ZNF345: variants seen among roughly 807,000 people sequenced by gnomAD.
The protein encoded by ZNF345 is zinc finger protein HZF10.
For synonymous variants in ZNF345, 166 were observed against 187.9 expected, an observed-to-expected ratio of 0.88 and a Z score of 0.95; for missense variants, 527 against 589.9, an observed-to-expected ratio of 0.89 and a Z score of 1.10.
At position 36,852,379 on chromosome 19, in the gene ZNF345, A is replaced by G. The variant is rs577853980; in HGVS notation, c.-47+475A>G. On this transcript the variant is annotated intron_variant, in intron 2 of 2. Coordinates refer to ENST00000420450, the MANE Select transcript of ZNF345 (RefSeq NM_001242472.2). ...TGTAATCCCAGCACTTTGGGGGGCC[A>G]AGGCGGGCGGATCACGAGGTCAAGA... Among the ~76,000 whole-genome samples the G allele has an allele frequency of 1.5e-4, 23 of 152,068 alleles. No homozygotes were observed. The South Asian group carries it at 4.6e-3, about 30-fold the overall frequency.
intron 2 of ZNF345, among the ~76,000 whole-genome samples, chr19:36,852,967 A>C (rs1316015955): frequency 1.3e-5 from 2 of 150,802 alleles, no homozygotes; most frequent in African/African-American, 4.9e-5. Context: ...ATATTTGACC[A>C]ATTTTTAATT....
At chr19:36,872,606 G>A (rs2072793113) in intron 2 of ZNF345, 1 of 152,920 alleles carries the variant, frequency 6.5e-6, no homozygotes, top group Non-Finnish European at 1.5e-5. Flanking sequence ...AGAAGAAGCT[G>A]TTGGTGCCAT....
At chr19:36,886,136 CTA>C (rs2146215440) in intron 3 of ZNF345, among the ~76,000 whole-genome samples, 1 of 152,274 alleles carries the variant, frequency 6.6e-6, no homozygotes, top group African/African-American at 2.4e-5. Flanking sequence ...ACTGATATGA[CTA>C]TATTATCAGA....
intron 2 of ZNF345, among the ~76,000 whole-genome samples, chr19:36,863,576 A>AATTCAAC (rs1211250291): frequency 4.6e-5 from 7 of 152,220 alleles, no homozygotes; most frequent in Non-Finnish European, 1.0e-4. Flanking sequence ...CAAGACTGTG[A>AATTCAAC]ATTCAACATT....
chr19:36,891,396 G>T, intron 3 of ZNF345: 1 of 1,277,222 alleles, frequency 7.8e-7, no homozygotes, highest in Non-Finnish European at 1.1e-6. Context: ...GAATACATAG[G>T]AGAACCTTTG....
chr19:36,887,170 AAAC>A (rs1195751109), intron 3 of ZNF345, among the ~76,000 whole-genome samples: 3 of 149,472 alleles, frequency 2.0e-5, no homozygotes, highest in African/African-American at 7.6e-5. Context: ...CCATCTCAAA[AAAC>A]ACCACCACCA....
In ZNF345 at chr19:36,877,070, T is replaced by G. The variant is rs1369331763; in HGVS notation, c.240T>G (p.His80Gln). 1 of 1,614,194 alleles carries G rather than the reference T, an allele frequency of 6.2e-7. No homozygotes were observed. Among genetic ancestry groups the G allele is most frequent in the African/African-American group, 1.3e-5 (1 of 75,064 alleles). ...GTTTTGTATCAGTCCTTGTTCGACATCAGCGAATTCATACTGGTGAGAAAC... is the reference window on the plus strand; with the variant it reads ...GTTTTGTATCAGTCCTTGTTCGACAGCAGCGAATTCATACTGGTGAGAAAC... ...DFSFVSVLVR[H>Q]QRIHTGEKPY... is the part of the protein sequence containing the mutation. The change falls in exon 3 of 3, where the codon CAT becomes CAG. Residue 80 changes from histidine (H) to glutamine (Q), a missense_variant. Coordinates refer to ENST00000420450, the MANE Select transcript of ZNF345 (RefSeq NM_001242472.2).
At chr19:36,880,989 C>A (rs2072964597), downstream of ZNF345, among the ~76,000 whole-genome samples, 1 of 151,834 alleles carries the variant, frequency 6.6e-6, no homozygotes, top group Admixed American at 6.6e-5. Flanking sequence ...ATAACTACAA[C>A]AAAAACCCTA....
At position 36,870,317 on chromosome 19, in the gene ZNF345, G is replaced by A. The variant is rs183908358; in HGVS notation, c.-46-6468G>A. 2.2e-4 allele frequency among the ~76,000 whole-genome samples: 33 copies of A among 152,116 alleles called. No homozygotes were observed. In the East Asian group the frequency reaches 6.4e-3, roughly 29 times the overall value. ...CACTAATTTATATTCAAAATCTACT[G>A]GAAAATAAATCTTTTTCCAGTATGT... On this transcript the variant is annotated intron_variant, in intron 2 of 2. Coordinates refer to ENST00000420450, the MANE Select transcript of ZNF345 (RefSeq NM_001242472.2).
rs2072894521 is a variant in ZNF345 at position 36,877,025 on chromosome 19, G to A, written c.195G>A (p.Lys65=). ...CTGATGAGAAACTCCTTGAATGTAA[G>A]GAATGTGGGAAGGATTTTAGTTTTG... ...IHTDEKLLEC[K]ECGKDFSFVS... Residue 65 remains lysine (K), a synonymous_variant, in exon 3 of 3, where the codon AAG becomes AAA. Coordinates refer to ENST00000420450, the MANE Select transcript of ZNF345 (RefSeq NM_001242472.2). 6.2e-7 allele frequency: 1 copy of A among 1,614,126 alleles called. No individual in the cohort carries two copies. The highest frequency in any genetic ancestry group is 8.5e-7 in the Non-Finnish European group (1 of 1,179,998).
chr19:36,883,114 T>C (rs1311298075), downstream of ZNF345, among the ~76,000 whole-genome samples: 1 of 152,232 alleles, frequency 6.6e-6, no homozygotes, highest in Non-Finnish European at 1.5e-5. Context: ...TATATATCCT[T>C]ATAAACACCA....
chr19:36,882,334 C>T (rs528166948), downstream of ZNF345, among the ~76,000 whole-genome samples: 247 of 152,080 alleles, frequency 1.6e-3, no homozygotes, highest in African/African-American at 5.3e-3. Flanking sequence ...GTGGCGTGAT[C>T]TCGGCTCACT....
At chr19:36,880,189 G>A (rs2072960217), downstream of ZNF345, among the ~76,000 whole-genome samples, 6 of 151,572 alleles carry the variant, frequency 4.0e-5, no homozygotes, top group South Asian at 6.3e-4. Flanking sequence ...GCATGGTGGC[G>A]TGTGCCTGTA....
downstream of ZNF345, among the ~76,000 whole-genome samples, chr19:36,881,802 T>C (rs576829824): frequency 6.8e-4 from 103 of 152,304 alleles, no homozygotes; most frequent in Non-Finnish European, 1.1e-3. Flanking sequence ...GTTGGAGATA[T>C]ATATTGAAAC....
Position 36,864,979 on chromosome 19 carries a change from A to G in ZNF345, c.-46-11806A>G, listed in dbSNP as rs533939017. Among the ~76,000 whole-genome samples the G allele has an allele frequency of 7.2e-5, 11 of 152,252 alleles. No individual in the cohort carries two copies. The South Asian group carries it at 2.3e-3, about 32-fold the overall frequency. Reference sequence around the variant, plus strand: ...CAGACTGGGTTGTCTTACCAGAAGCATTTGCTACAAAACTTTCAGACAAGG... The same window carrying G: ...CAGACTGGGTTGTCTTACCAGAAGCGTTTGCTACAAAACTTTCAGACAAGG... On this transcript the variant is annotated intron_variant, in intron 2 of 2. Transcript: ENST00000420450.
chr19:36,856,797 C>A (rs1403897403), intron 2 of ZNF345, among the ~76,000 whole-genome samples: 3 of 151,372 alleles, frequency 2.0e-5, no homozygotes, highest in Non-Finnish European at 4.4e-5. Flanking sequence ...CTGCAGTGAG[C>A]CAAGATGGTG....
intron 3 of ZNF345, among the ~76,000 whole-genome samples, chr19:36,886,926 G>A (rs1162928975): frequency 6.8e-6 from 1 of 147,448 alleles, no homozygotes; most frequent in Non-Finnish European, 1.5e-5. Context: ...CCCAAGAGGC[G>A]GAGCTTGCAG....
intron 3 of ZNF345, chr19:36,888,989 C>T (rs959275625): frequency 1.3e-5 from 2 of 152,206 alleles, no homozygotes; most frequent in African/African-American, 4.8e-5. Flanking sequence ...CCAGACTGGT[C>T]TCAAACTCTT....
At chr19:36,867,554 T>C (rs2072685023) in intron 2 of ZNF345, among the ~76,000 whole-genome samples, 1 of 152,214 alleles carries the variant, frequency 6.6e-6, no homozygotes, top group Admixed American at 6.5e-5. Context: ...TTTCATTGCT[T>C]GTGCTTTAGG....
Sources: gnomAD v4.1 joint callset for allele counts (sites outside exome capture counted in the v4.1 genomes callset) on GRCh38, gnomAD v4.1.1 for gene constraint, MANE v1.5 for transcripts, NCBI Gene and HGNC (gene_info 2026-07-23, HGNC 2026-07-21) for gene names.